The following TENM3 variants were observed in gnomAD, a reference collection of about 807,000 sequenced individuals.
The protein encoded by TENM3 is teneurin-3.
In TENM3, 63 loss-of-function variants were observed where a neutral mutation model predicts 255.1. The observed-to-expected ratio is 0.25, with a 90% confidence interval of 0.20 to 0.30. TENM3 has a LOEUF of 0.30. Ranked by LOEUF, TENM3 falls within the 10% of genes least tolerant of loss-of-function variation. The pLI, the probability that TENM3 is intolerant of heterozygous loss-of-function variation, is 1.00. For missense variants in TENM3, 2,929 were observed against 3,461.1 expected, an observed-to-expected ratio of 0.85 and a Z score of 3.86; for synonymous variants, 1,306 against 1,322.3, an observed-to-expected ratio of 0.99 and a Z score of 0.27.
chr4:182,674,467 T>C (rs1289625079), intron 7 of TENM3, among the ~76,000 whole-genome samples: 1 of 152,168 alleles, frequency 6.6e-6, no homozygotes, highest in African/African-American at 2.4e-5. Context: ...TTAATATCTA[T>C]ATTATTAAAG....
the TENM3 span, among the ~76,000 whole-genome samples, chr4:181,781,264 T>C: frequency 6.6e-6 from 1 of 152,202 alleles, no homozygotes; most frequent in African/African-American, 2.4e-5. Context: ...GCATGGAATG[T>C]TCTTCCATTT....
At chr4:182,652,501 TA>T (rs1472725735) in intron 5 of TENM3, among the ~76,000 whole-genome samples, 1 of 152,224 alleles carries the variant, frequency 6.6e-6, no homozygotes, top group African/African-American at 2.4e-5. Flanking sequence ...CACCTGAGCT[TA>T]AATTAAATAA....
chr4:181,597,785 CAATCAGT>C, the TENM3 span, among the ~76,000 whole-genome samples: 62 of 152,132 alleles, frequency 4.1e-4, no homozygotes, highest in Non-Finnish European at 6.0e-4. Context: ...ATGTTTCCAT[CAATCAGT>C]AATTCAGCTC....
chr4:182,401,780 G>A lies in TENM3; in HGVS notation c.511+54851G>A, dbSNP rs201824807. 4.6e-5 allele frequency among the ~76,000 whole-genome samples: 7 copies of A among 152,222 alleles called. No individual in the cohort carries two copies. The East Asian group carries it at 1.3e-3, about 29-fold the overall frequency. The stretch of plus-strand genomic sequence containing the variant: ...GAGTTTGTTTCTCTGATATTTTGAG[G>A]TAAAAATTTTAAAGACATTCATTTA... On this transcript the variant is annotated intron_variant, in intron 3 of 27. Transcript: ENST00000511685.
chr4:181,881,672 A>G, the TENM3 span, among the ~76,000 whole-genome samples: 630 of 152,280 alleles, frequency 4.1e-3, 8 homozygotes, highest in African/African-American at 0.014. Flanking sequence ...TCAATGAAAT[A>G]TGAGTGGGAC....
upstream of TENM3, among the ~76,000 whole-genome samples, chr4:182,140,492 T>C (rs1450600541): frequency 1.3e-5 from 2 of 152,030 alleles, no homozygotes; most frequent in Non-Finnish European, 2.9e-5. Context: ...GGGCAGCAAC[T>C]GGGTTTGAAC....
the TENM3 span, among the ~76,000 whole-genome samples, chr4:181,914,267 T>G: frequency 8.5e-5 from 13 of 152,140 alleles, no homozygotes; most frequent in Non-Finnish European, 1.9e-4. Context: ...TTTTAATACC[T>G]TTTGCCTTTG....
intron 3 of TENM3, among the ~76,000 whole-genome samples, chr4:182,509,232 C>T (rs189547342): frequency 7.3e-4 from 111 of 152,324 alleles, no homozygotes; most frequent in African/African-American, 2.1e-3. Flanking sequence ...GCCTGAGACA[C>T]AGATGGTCAC....
At chr4:182,174,276 A>C (rs934321168) in intron 1 of TENM3, among the ~76,000 whole-genome samples, 1 of 151,932 alleles carries the variant, frequency 6.6e-6, no homozygotes, top group Non-Finnish European at 1.5e-5. Flanking sequence ...TCAAACAAAC[A>C]TAGATCATCT....
At chr4:182,424,585 A>T (rs531694359) in intron 3 of TENM3, among the ~76,000 whole-genome samples, 1 of 152,220 alleles carries the variant, frequency 6.6e-6, no homozygotes, top group African/African-American at 2.4e-5. Flanking sequence ...TAATATGAGG[A>T]CTTTGCATCA....
At chr4:181,789,679 C>T in the TENM3 span, among the ~76,000 whole-genome samples, 5 of 152,066 alleles carry the variant, frequency 3.3e-5, no homozygotes, top group Non-Finnish European at 4.4e-5. Context: ...TTTTCAGCCC[C>T]GCCTACCAAC....
At chr4:181,525,442 A>T in the TENM3 span, among the ~76,000 whole-genome samples, 1 of 151,900 alleles carries the variant, frequency 6.6e-6, no homozygotes, top group Non-Finnish European at 1.5e-5. Context: ...CAGAGGGCAA[A>T]AAGTGAAGCT....
intron 23 of TENM3, among the ~76,000 whole-genome samples, chr4:182,774,623 G>T (rs544207877): frequency 6.6e-6 from 1 of 152,086 alleles, no homozygotes; most frequent in Non-Finnish European, 1.5e-5. Context: ...TATTTACTTA[G>T]TGCACATCCC....
the TENM3 span, among the ~76,000 whole-genome samples, chr4:181,962,598 G>A: frequency 1.2e-4 from 18 of 152,294 alleles, no homozygotes; most frequent in South Asian, 2.9e-3. Flanking sequence ...AGAGCTCGTC[G>A]TATTATCTTA....
chr4:181,813,130 G>T, the TENM3 span, among the ~76,000 whole-genome samples: 2 of 152,292 alleles, frequency 1.3e-5, no homozygotes, highest in Non-Finnish European at 2.9e-5. Context: ...TCTGCAACTG[G>T]TGAGGCCCTG....
At chr4:182,123,594 T>C in the TENM3 span, among the ~76,000 whole-genome samples, 1,628 of 152,266 alleles carry the variant, frequency 0.011, 36 homozygotes, top group African/African-American at 0.036. Flanking sequence ...ATTGATGAAG[T>C]GTGCAGTCTT....
chr4:182,427,255 A>T (rs1204603386), intron 3 of TENM3, among the ~76,000 whole-genome samples: 1 of 152,184 alleles, frequency 6.6e-6, no homozygotes, highest in Non-Finnish European at 1.5e-5. Context: ...TTAATGGCTG[A>T]GATCACATTT....
chr4:182,212,534 T>C (rs893447132), intron 1 of TENM3, among the ~76,000 whole-genome samples: 1 of 144,716 alleles, frequency 6.9e-6, no homozygotes, highest in East Asian at 2.0e-4. Flanking sequence ...AAAAAAAAAA[T>C]TTATGTCAAG....
chr4:181,746,349 C>T, the TENM3 span, among the ~76,000 whole-genome samples: 3,376 of 152,084 alleles, frequency 0.022, 125 homozygotes, highest in African/African-American at 0.076. Flanking sequence ...TATGGATATT[C>T]AAGTCACCCA....
Sources: allele counts gnomAD v4.1 joint callset (sites outside exome capture counted in the v4.1 genomes callset), GRCh38; gene constraint gnomAD v4.1.1; transcripts MANE v1.5; gene names NCBI Gene and HGNC (gene_info 2026-07-23, HGNC 2026-07-21).